Variants in TMC4 observed in about 807,000 individuals in gnomAD.
TMC4 encodes the protein voltage-gated chloride channel TMC4.
Under a neutral mutation model 82.0 loss-of-function variants are expected in TMC4, and 70 were observed. The observed-to-expected ratio is 0.85, with a 90% CI of 0.70 to 1.04. The LOEUF is 1.04. Among genes scored for constraint, TMC4 ranks in the 50% least tolerant of loss-of-function variants. TMC4 has a pLI of 0.00. For missense variants in TMC4, 879 were observed against 899.0 expected, an observed-to-expected ratio of 0.98 and a Z score of 0.28; for synonymous variants, 446 against 406.0, an observed-to-expected ratio of 1.10 and a Z score of -1.18.
rs765095573 is a variant in TMC4, at chr19:54,161,316, ATTTTTTT to A, written c.1687-63_1687-57del. The A allele has an allele frequency of 7.6e-5, 83 of 1,094,092 alleles. No individual in the cohort carries two copies. In the South Asian group the frequency reaches 1.1e-3, roughly 15 times the overall value. The allele number at this position is 1,094,092 out of a possible 1,614,324, so 67.8% of individuals were successfully genotyped here. ...CTGAAACACAAGAGTCTGTGCCTCC[ATTTTTTT>A]TTTTTTTTTTTTTTGAGACAGAGTC... On this transcript the variant is annotated intron_variant, in intron 11 of 14. Coordinates refer to ENST00000619895, the MANE Select transcript of TMC4 (RefSeq NM_144686.4).
rs58329832 is a variant in TMC4 at position 54,166,323 on chromosome 19, C to CAA, written c.798-759_798-758dup. 6.4e-3 allele frequency among the ~76,000 whole-genome samples: 691 copies of CAA among 107,808 alleles called. 7 individuals are homozygous for CAA. Among genetic ancestry groups the CAA allele is most frequent in the African/African-American group, 0.02 (588 of 28,836 alleles). 70.7% of individuals were successfully genotyped at this position (107,808 alleles called of 152,430 possible). ...GAACCCAGGAGGTGGAGGTCGCCTC[C>CAA]AAAAAAAAAAAAAAAAAAAAAAAGA... On this transcript the variant is annotated intron_variant, in intron 5 of 14. Transcript: ENST00000619895.
chr19:54,171,991 C>A lies in TMC4; in HGVS notation c.172G>T (p.Glu58Ter), dbSNP rs776387997. ...CTCCTTCCTCCATCCTCCTCCTCCTCCTCCAGCGCCCCCCAAGGCAGCACC... is the reference window on the plus strand; with the variant it reads ...CTCCTTCCTCCATCCTCCTCCTCCTACTCCAGCGCCCCCCAAGGCAGCACC... ...PGVLPWGALEEEEEDGGRSRK... is the reference protein window; with the variant it reads ...PGVLPWGALE Residue 58 changes from glutamate to a stop codon, truncating the protein, a stop_gained, in exon 2 of 15, where the codon GAG becomes TAG. Coordinates refer to ENST00000619895, the MANE Select transcript of TMC4 (RefSeq NM_144686.4). LOFTEE classifies it high-confidence loss of function. The A allele has an allele frequency of 6.2e-7, 1 of 1,613,372 alleles. No individual in the cohort carries two copies. The highest frequency in any genetic ancestry group is 8.5e-7 in the Non-Finnish European group (1 of 1,179,676).
chr19:54,168,319 C>A, intron 4 of TMC4, 27 bp from the exon 5 acceptor site: 3 of 1,545,938 alleles, frequency 1.9e-6, no homozygotes, highest in Non-Finnish European at 2.6e-6. Flanking sequence ...GCGCAGGGGC[C>A]ACTGTGGGAG....
Position 54,163,975 on chromosome 19 carries a change from TTC to T in TMC4, c.1114-90_1114-89del, listed in dbSNP as rs1422096505. The T allele has an allele frequency of 4.0e-3, 4,907 of 1,231,630 alleles. 3 individuals carry two copies. The highest frequency in any genetic ancestry group is 4.0e-3 in the Non-Finnish European group (3,769 of 944,606). 76.3% of individuals were successfully genotyped at this position (1,231,630 alleles called of 1,614,324 possible). A position where few individuals can be genotyped will look rare whatever the true frequency, so the allele number is the denominator to read the frequency against. ...TCCCCCCGGCCTCTTCTTCTTCTTC[TTC>T]TTTTTTTTTTTTTTTGAGACAGAGT... On this transcript the variant is annotated intron_variant, in intron 7 of 14. Coordinates refer to ENST00000619895, the MANE Select transcript of TMC4 (RefSeq NM_144686.4).
At position 54,169,540 on chromosome 19, in the gene TMC4, G is replaced by T; in HGVS notation, c.414C>A (p.Pro138=). 6.2e-7 allele frequency: 1 copy of T among 1,613,542 alleles called. No individual in the cohort carries two copies. Among genetic ancestry groups the T allele is most frequent in the Non-Finnish European group, 8.5e-7 (1 of 1,179,984 alleles). The change falls in exon 3 of 15, where the codon CCC becomes CCA. Residue 138 remains proline (P), a synonymous_variant. Coordinates refer to ENST00000619895, the MANE Select transcript of TMC4 (RefSeq NM_144686.4). ...CGATCCTCTTCAGTGTCCACGCCCA[G>T]GGCTGCAGGCTTCGCAAGCCTTCCT... ...KTKEGLRSLQ[P]WAWTLKRIGG...
In TMC4 at chr19:54,160,475, T is replaced by C; in HGVS notation, c.2044A>G (p.Arg682Gly). The change falls in exon 14 of 15, where the codon AGA (arginine) becomes GGA (glycine). Residue 682 changes from arginine (R) to glycine (G), a missense_variant. Coordinates refer to ENST00000619895, the MANE Select transcript of TMC4 (RefSeq NM_144686.4). ...GRLISELKRQRETEAQNKVFL... is the reference protein window; with the variant it reads ...GRLISELKRQGETEAQNKVFL... ...GGACCCGCCTGGCTCACCGTCTCTC[T>C]CTGACGTTTGAGCTCAGAGATGAGG... is the stretch of plus-strand genomic sequence containing the variant. 1 of 1,614,032 alleles carries C rather than the reference T, an allele frequency of 6.2e-7. No individual in the cohort carries two copies. The highest frequency in any genetic ancestry group is 1.1e-5 in the South Asian group (1 of 91,080).
At chr19:54,167,207 T>C (rs1295754733) in intron 5 of TMC4, among the ~76,000 whole-genome samples, 1 of 151,952 alleles carries the variant, frequency 6.6e-6, no homozygotes, top group Non-Finnish European at 1.5e-5. Context: ...AGGCTTCCGG[T>C]GAGCTATGAT....
chr19:54,166,843 C>A (rs2075717326), intron 5 of TMC4, among the ~76,000 whole-genome samples: 1 of 152,120 alleles, frequency 6.6e-6, no homozygotes, highest in African/African-American at 2.4e-5. Context: ...ATCCCAGCTA[C>A]TTGGGAGGTT....
At chr19:54,160,817 A>T (rs1039221521) in intron 13 of TMC4, 61 bp downstream of exon 13, 1 of 1,587,338 alleles carries the variant, frequency 6.3e-7, no homozygotes, top group African/African-American at 1.4e-5. Context: ...TCTTGGACGC[A>T]GGTGGTGGCC....
At chr19:54,164,230 C>G (rs1337876795) in intron 7 of TMC4, among the ~76,000 whole-genome samples, 1 of 152,074 alleles carries the variant, frequency 6.6e-6, no homozygotes, top group Non-Finnish European at 1.5e-5. Context: ...GCCTCAGCCT[C>G]CCAAAGTGCT....
intron 6 of TMC4, 93 bp downstream of exon 6, chr19:54,165,326 G>C: frequency 7.4e-7 from 1 of 1,350,802 alleles, no homozygotes; most frequent in Non-Finnish European, 9.9e-7. Flanking sequence ...GCATCTCTCC[G>C]GAGGCCCCAT....
Position 54,172,028 on chromosome 19 carries a change from G to A in TMC4, c.135C>T (p.Tyr45=). Residue 45 remains tyrosine (Y), a synonymous_variant, in exon 2 of 15, where the codon TAC becomes TAT. Coordinates refer to ENST00000619895, the MANE Select transcript of TMC4 (RefSeq NM_144686.4). The part of the protein sequence containing the change: ...NELPSAATLR[Y]RDPGVLPWGA... ...CCCAAGGCAGCACCCCAGGGTCTCG[G>A]TACCGAAGGGTGGCAGCACTGGGCA... 9 of 1,613,120 alleles carry A rather than the reference G, an allele frequency of 5.6e-6. No individual in the cohort carries two copies. Among genetic ancestry groups the A allele is most frequent in the Non-Finnish European group, 7.6e-6 (9 of 1,179,552 alleles).
At position 54,162,699 on chromosome 19, in the gene TMC4, G is replaced by C. The variant is rs755872897; in HGVS notation, c.1476C>G (p.Val492=). Residue 492 remains valine (V), a synonymous_variant, in exon 10 of 15, where the codon GTC becomes GTG. Transcript: ENST00000619895. ...LLFDLLTVLA[V]ALLIQFPRKL... is the part of the protein sequence containing the mutation. ...TTCTAGGAAACTGGATGAGCAGCGC[G>C]ACTGCCAAGACAGTCAGCAGATCAA... 1 of 1,613,960 alleles carries C rather than the reference G, an allele frequency of 6.2e-7. No individual in the cohort carries two copies. Among genetic ancestry groups the C allele is most frequent in the Admixed American group, 1.7e-5 (1 of 59,998 alleles).
rs2075543692 is a variant in TMC4, at chr19:54,161,245, T to A, written c.1702A>T (p.Thr568Ser). Residue 568 changes from threonine (T) to serine (S), a missense_variant, in exon 12 of 15, where the codon ACC (threonine) becomes TCC (serine). Transcript: ENST00000619895. ...AAGGTGCGGGCAGCCGGGGAGCAGGTGGAGAAGAGGGTAAGCTGGTGGGGG... is the reference window on the plus strand; with the variant it reads ...AAGGTGCGGGCAGCCGGGGAGCAGGAGGAGAAGAGGGTAAGCTGGTGGGGG... ...FYLKKLTLFS[T>S]CSPAARTFRA... 1.3e-6 allele frequency: 2 copies of A among 1,547,554 alleles called. No individual in the cohort carries two copies. The highest frequency in any genetic ancestry group is 2.8e-5 in the African/African-American group (2 of 71,172).
At position 54,160,142 on chromosome 19, in the gene TMC4, A is replaced by T; in HGVS notation, c.*164T>A. On this transcript the variant is annotated 3_prime_UTR_variant, in exon 15 of 15. Coordinates refer to ENST00000619895, the MANE Select transcript of TMC4 (RefSeq NM_144686.4). ...TCGGCTGTATTTATTGATACAAGGA[A>T]GATCACCCGAGAGTCAGGGACGTGG... 1 of 743,696 alleles carries T rather than the reference A, an allele frequency of 1.3e-6. No individual in the cohort carries two copies. The highest frequency in any genetic ancestry group is 2.7e-5 in the East Asian group (1 of 36,698). The allele number at this position is 743,696 out of a possible 1,614,324, so 46.1% of individuals were successfully genotyped here. A position where few individuals can be genotyped will look rare whatever the true frequency, so the allele number is the denominator to read the frequency against.
Position 54,162,287 on chromosome 19 carries a change from T to G in TMC4, c.1503-2A>C. ...CCAGGACAGAGGCCACAGAGGAGCC[T>G]GAAGGACGGGGCGGGGCCGGGCCGG... is the stretch of plus-strand genomic sequence containing the variant. On this transcript the variant is annotated splice_acceptor_variant, in intron 10 of 14. Transcript: ENST00000619895. LOFTEE classifies it high-confidence loss of function. 3 of 1,541,564 alleles carry G rather than the reference T, an allele frequency of 1.9e-6. No homozygotes were observed. The highest frequency in any genetic ancestry group is 1.8e-4 in the Middle Eastern group (1 of 5,476).
At position 54,160,245 on chromosome 19, in the gene TMC4, ATGT is replaced by A. The variant is rs1162217440; in HGVS notation, c.*58_*60del. ...CTTCTCCAGTTCTCCTAGTTTACAG[ATGT>A]TGTGACCTAGGCTTACAATGGGCCT... On this transcript the variant is annotated 3_prime_UTR_variant, in exon 15 of 15. Coordinates refer to ENST00000619895, the MANE Select transcript of TMC4 (RefSeq NM_144686.4). 2.0e-6 allele frequency: 3 copies of A among 1,464,074 alleles called. No individual in the cohort carries two copies. The highest frequency in any genetic ancestry group is 2.7e-6 in the Non-Finnish European group (3 of 1,097,988). 90.7% of individuals were successfully genotyped at this position (1,464,074 alleles called of 1,614,324 possible). A position where few individuals can be genotyped will look rare whatever the true frequency, so the allele number is the denominator to read the frequency against.
chr19:54,165,510 T>C lies in TMC4; in HGVS notation c.854A>G (p.Tyr285Cys). The C allele has an allele frequency of 6.2e-7, 1 of 1,612,810 alleles. No individual in the cohort carries two copies. The highest frequency in any genetic ancestry group is 8.5e-7 in the Non-Finnish European group (1 of 1,179,452). The change falls in exon 6 of 15, where the codon TAC (tyrosine) becomes TGC (cysteine). Residue 285 changes from tyrosine to cysteine, a missense_variant. Physicochemically the swap from Tyr to Cys is radical, Grantham distance 194 (BLOSUM62 -2). Transcript: ENST00000619895. ...CCAGGCCGAGAACACCCGGTGGCTGTAGCTGGTCAGAGCCTCGGACTCCGC... is the reference window on the plus strand; with the variant it reads ...CCAGGCCGAGAACACCCGGTGGCTGCAGCTGGTCAGAGCCTCGGACTCCGC... Reference protein sequence around the residue: ...LLAESEALTSYSHRVFSAWDF... With the variant: ...LLAESEALTSCSHRVFSAWDF...
At position 54,168,526 on chromosome 19, in the gene TMC4, C is replaced by G. The variant is rs115685298; in HGVS notation, c.597G>C (p.Ser199=). 1 of 1,551,142 alleles carries G rather than the reference C, an allele frequency of 6.4e-7. No homozygotes were observed. Among genetic ancestry groups the G allele is most frequent in the South Asian group, 1.2e-5 (1 of 83,866 alleles). ...AGTGGGGGTTATAGGAGCCGCAGGG[C>G]GAGGAGATGTCGGGGCCGGGAGGGC... is the stretch of plus-strand genomic sequence containing the variant. The part of the protein sequence containing the change: ...PPGPPGPDIS[S]PCGSYNPHSQ... The change falls in exon 4 of 15, where the codon TCG becomes TCC. Residue 199 remains serine, a synonymous_variant. Coordinates refer to ENST00000619895, the MANE Select transcript of TMC4 (RefSeq NM_144686.4).
Sources: allele counts gnomAD v4.1 joint callset (sites outside exome capture counted in the v4.1 genomes callset), GRCh38; gene constraint gnomAD v4.1.1; transcripts MANE v1.5; gene names NCBI Gene and HGNC (gene_info 2026-07-23, HGNC 2026-07-21).